Variants in FREM2 observed in about 807,000 individuals in gnomAD.
FREM2 encodes the protein FRAS1 related extracellular matrix 2.
A neutral mutation model predicts 219.9 loss-of-function variants in FREM2; 119 were observed. The ratio of observed to expected loss-of-function variants is 0.54; its 90% confidence interval spans 0.47 to 0.63. The LOEUF (loss-of-function observed/expected upper bound fraction) is 0.63. FREM2 is among the 30% of genes least tolerant of loss of function. The pLI is 0.00. For missense variants in FREM2, 4,030 were observed against 3,993.6 expected (o/e 1.01, Z -0.25); for synonymous variants, 1,562 against 1,522.8 (o/e 1.03, Z -0.60).
chr13:38,796,696 A>G (rs1033176670), intron 6 of FREM2, among the ~76,000 whole-genome samples: 1 of 152,138 alleles, frequency 6.6e-6, no homozygotes, highest in African/African-American at 2.4e-5. Context: ...GATTCCATAT[A>G]TTTGCTATTA....
rs747402192 is a variant in FREM2, at chr13:38,880,571, C to T, written c.9294C>T (p.Leu3098=). Reference sequence around the variant, plus strand: ...GGAGAGCACCTCCAGATGGCATCCTCCCCTGGGAGCTCAACAGCCCCAGCT... The same window carrying T: ...GGAGAGCACCTCCAGATGGCATCCTTCCCTGGGAGCTCAACAGCCCCAGCT... ...PHGRAPPDGI[L]PWELNSPSSA... The change falls in exon 24 of 24, where the codon CTC becomes CTT. Residue 3098 remains leucine, a synonymous_variant. Transcript: ENST00000280481. 1.2e-6 allele frequency: 2 copies of T among 1,614,016 alleles called. No homozygotes were observed. Among genetic ancestry groups the T allele is most frequent in the African/African-American group, 1.3e-5 (1 of 74,954 alleles).
intron 6 of FREM2, 139 bp downstream of exon 6, chr13:38,784,947 G>T: frequency 1.0e-6 from 1 of 964,194 alleles, no homozygotes; most frequent in Non-Finnish European, 1.5e-6. Flanking sequence ...ATATGATTAG[G>T]TTTCAAAGTT....
At chr13:38,877,338 C>A (rs1878377480) in intron 21 of FREM2, 95 bp downstream of exon 21, 4 of 1,356,330 alleles carry the variant, frequency 2.9e-6, no homozygotes, top group Non-Finnish European at 4.2e-6. Flanking sequence ...CAAATTATAG[C>A]TTTTTTTATG....
intron 6 of FREM2, 136 bp downstream of exon 6, chr13:38,784,944 T>G: frequency 2.0e-6 from 2 of 1,010,056 alleles, no homozygotes; most frequent in Non-Finnish European, 2.9e-6. Flanking sequence ...TTCATATGAT[T>G]AGGTTTCAAA....
intron 6 of FREM2, among the ~76,000 whole-genome samples, chr13:38,813,559 C>CTATATATATA (rs1566151733): frequency 2.2e-4 from 2 of 9,104 alleles, no homozygotes; most frequent in African/African-American, 8.1e-4. Flanking sequence ...CTCTCTCTCT[C>CTATATATATA]TCTCTATATA....
chr13:38,877,556 G>T (rs1178237778), intron 21 of FREM2, among the ~76,000 whole-genome samples: 2 of 152,074 alleles, frequency 1.3e-5, no homozygotes, highest in African/African-American at 4.8e-5. Flanking sequence ...ACATGAGACT[G>T]TAAATGCCTC....
intron 2 of FREM2, among the ~76,000 whole-genome samples, chr13:38,721,947 G>A (rs1324189126): frequency 1.3e-5 from 2 of 152,136 alleles, no homozygotes; most frequent in African/African-American, 4.8e-5. Context: ...CAGAGTCCCT[G>A]GAGAGTTTCA....
At chr13:38,826,407 A>G (rs1876288663) in intron 6 of FREM2, among the ~76,000 whole-genome samples, 1 of 152,106 alleles carries the variant, frequency 6.6e-6, no homozygotes, top group Non-Finnish European at 1.5e-5. Context: ...ACGTACAACA[A>G]CGCAAGGAAG....
At chr13:38,805,298 A>G (rs1875181227) in intron 6 of FREM2, among the ~76,000 whole-genome samples, 1 of 151,882 alleles carries the variant, frequency 6.6e-6, no homozygotes, top group Admixed American at 6.6e-5. Context: ...AAAACCTGAC[A>G]TAACTAGGAC....
At position 38,692,517 on chromosome 13, in the gene FREM2, G is replaced by C; in HGVS notation, c.5173G>C (p.Ala1725Pro). ...CCACAGCATCACTCAGTTCACACAA[G>C]GTATGTTTCATGTTTCTTTTCTTGG... ...GNHSITQFTQ[A>P]DIDDMKICYV... The change falls in exon 1 of 24, where the codon GCT becomes CCT. Residue 1725 changes from alanine to proline, a missense_variant and splice_region_variant. Coordinates refer to ENST00000280481, the MANE Select transcript of FREM2 (RefSeq NM_207361.6). 6.2e-7 allele frequency: 1 copy of C among 1,608,956 alleles called. No individual in the cohort carries two copies. The highest frequency in any genetic ancestry group is 8.5e-7 in the Non-Finnish European group (1 of 1,179,974).
intron 3 of FREM2, among the ~76,000 whole-genome samples, chr13:38,767,221 C>T (rs1873471998): frequency 6.6e-6 from 1 of 152,206 alleles, no homozygotes; most frequent in Non-Finnish European, 1.5e-5. Flanking sequence ...CTATTCTCTC[C>T]TTCCACAAAC....
intron 6 of FREM2, among the ~76,000 whole-genome samples, chr13:38,829,929 C>A (rs1876440931): frequency 6.6e-6 from 1 of 151,986 alleles, no homozygotes; most frequent in African/African-American, 2.4e-5. Flanking sequence ...ATAATGTTGA[C>A]TAAATACATT....
chr13:38,702,178 G>A (rs918594864), intron 2 of FREM2, among the ~76,000 whole-genome samples: 2 of 151,944 alleles, frequency 1.3e-5, no homozygotes, highest in African/African-American at 4.8e-5. Flanking sequence ...ATTTTTAAAC[G>A]CATGAAATTA....
intron 2 of FREM2, among the ~76,000 whole-genome samples, chr13:38,699,920 A>G (rs1441376519): frequency 6.6e-6 from 1 of 152,124 alleles, no homozygotes; most frequent in African/African-American, 2.4e-5. Context: ...CAATGATAGT[A>G]GGCATATCTA....
chr13:38,858,118 T>G, intron 13 of FREM2, 85 bp downstream of exon 13: 1 of 1,197,964 alleles, frequency 8.3e-7, no homozygotes, highest in Non-Finnish European at 1.2e-6. Context: ...GGCTTTGTTA[T>G]GAAGAAATGA....
rs1878488692 is a variant in FREM2, at chr13:38,880,193, T to C, written c.9007-91T>C. On this transcript the variant is annotated intron_variant, in intron 23 of 23. Coordinates refer to ENST00000280481, the MANE Select transcript of FREM2 (RefSeq NM_207361.6). The stretch of plus-strand genomic sequence containing the variant: ...TCTGCAGACTAAAATCATTTATTAA[T>C]ATCTCTGCCATTAATTTCTCTTGCA... The C allele has an allele frequency of 3.1e-6, 4 of 1,286,002 alleles. No homozygotes were observed. In the South Asian group the frequency reaches 4.8e-5, roughly 15 times the overall value. 79.7% of individuals were successfully genotyped at this position (1,286,002 alleles called of 1,614,324 possible). A position where few individuals can be genotyped will look rare whatever the true frequency, so the allele number is the denominator to read the frequency against.
intron 6 of FREM2, among the ~76,000 whole-genome samples, chr13:38,814,990 G>A (rs1014367222): frequency 6.6e-6 from 1 of 152,172 alleles, no homozygotes; most frequent in Non-Finnish European, 1.5e-5. Context: ...CCCAGGGAAG[G>A]TTTTGAAGTG....
intron 6 of FREM2, among the ~76,000 whole-genome samples, chr13:38,812,531 GACAACA>G (rs1875531925): frequency 6.6e-6 from 1 of 151,992 alleles, no homozygotes; most frequent in Non-Finnish European, 1.5e-5. Flanking sequence ...TTAAACTAAT[GACAACA>G]ACACTGATTG....
chr13:38,827,163 T>A (rs1350250109), intron 6 of FREM2, among the ~76,000 whole-genome samples: 1 of 152,122 alleles, frequency 6.6e-6, no homozygotes, highest in Admixed American at 6.6e-5. Flanking sequence ...TATGTTTGAA[T>A]CCTCCTTATA....
Sources: allele counts gnomAD v4.1 joint callset (sites outside exome capture counted in the v4.1 genomes callset), GRCh38; gene constraint gnomAD v4.1.1; transcripts MANE v1.5; gene names NCBI Gene and HGNC (gene_info 2026-07-23, HGNC 2026-07-21).